The following C8orf34 variants were observed in gnomAD, a reference collection of about 807,000 sequenced individuals.
The protein encoded by C8orf34 is uncharacterized protein C8orf34.
A neutral mutation model predicts 68.3 loss-of-function variants in C8orf34; 65 were observed. That is an observed-to-expected ratio of 0.95 (90% confidence interval 0.78 to 1.17). C8orf34 has a LOEUF of 1.17. C8orf34 is among the 50% of genes most tolerant of loss of function. C8orf34 has a pLI of 0.00. For missense variants in C8orf34, 664 were observed against 655.4 expected (o/e 1.01, Z -0.14); for synonymous variants, 244 against 241.2 (o/e 1.01, Z -0.11).
At chr8:68,765,164 A>G (rs952010808) in intron 10 of C8orf34, among the ~76,000 whole-genome samples, 1 of 152,226 alleles carries the variant, frequency 6.6e-6, no homozygotes, top group Non-Finnish European at 1.5e-5. Flanking sequence ...TGCTTTATAG[A>G]CAGTATTTCA....
intron 3 of C8orf34, among the ~76,000 whole-genome samples, chr8:68,462,292 A>T (rs1042323920): frequency 1.3e-5 from 2 of 152,204 alleles, no homozygotes; most frequent in African/African-American, 4.8e-5. Flanking sequence ...TTCATAAAGC[A>T]AGTCCTGAAT....
intron 2 of C8orf34, among the ~76,000 whole-genome samples, chr8:68,443,089 T>C (rs1810977467): frequency 6.6e-6 from 1 of 152,060 alleles, no homozygotes; most frequent in Non-Finnish European, 1.5e-5. Flanking sequence ...TGGTGGAACA[T>C]GGGACATGGG....
At chr8:68,462,575 A>C (rs1811892646) in intron 3 of C8orf34, among the ~76,000 whole-genome samples, 1 of 151,804 alleles carries the variant, frequency 6.6e-6, no homozygotes, top group African/African-American at 2.4e-5. Context: ...AAAGAACAGA[A>C]ATTATAACAC....
rs145270561 is a variant in C8orf34 at position 68,362,181 on chromosome 8, T to C, written c.327+30842T>C. On this transcript the variant is annotated intron_variant, in intron 1 of 13. Coordinates refer to ENST00000518698, the MANE Select transcript of C8orf34 (RefSeq NM_052958.4). ...AATGGCATTTCCTTGTTTAATTGAT[T>C]GATTGCTTTCTTTCTTATAAAGATT... Among the ~76,000 whole-genome samples the C allele has an allele frequency of 4.6e-3, 699 of 152,354 alleles. 7 individuals carry two copies. The highest frequency in any genetic ancestry group is 0.016 in the African/African-American group (667 of 41,584).
intron 12 of C8orf34, among the ~76,000 whole-genome samples, chr8:68,811,051 T>C (rs752591342): frequency 6.6e-6 from 1 of 152,186 alleles, no homozygotes; most frequent in African/African-American, 2.4e-5. Context: ...GCCATCAACC[T>C]GCCATTCACG....
At chr8:68,519,198 A>G (rs1342761302) in intron 5 of C8orf34, among the ~76,000 whole-genome samples, 1 of 152,228 alleles carries the variant, frequency 6.6e-6, no homozygotes, top group Non-Finnish European at 1.5e-5. Flanking sequence ...CATTTAAAGT[A>G]ATAGTGCTCA....
At chr8:68,512,477 G>A (rs1814317775) in intron 5 of C8orf34, among the ~76,000 whole-genome samples, 1 of 152,036 alleles carries the variant, frequency 6.6e-6, no homozygotes, top group African/African-American at 2.4e-5. Flanking sequence ...TTTGGGGAAG[G>A]CTGTCAAATA....
intron 1 of C8orf34, among the ~76,000 whole-genome samples, chr8:68,389,123 C>T (rs1808377019): frequency 6.6e-6 from 1 of 152,130 alleles, no homozygotes; most frequent in South Asian, 2.1e-4. Context: ...TGCAGAGATT[C>T]ATTAAATCTC....
chr8:68,666,249 G>A (rs1028135440), intron 8 of C8orf34, among the ~76,000 whole-genome samples: 14 of 152,100 alleles, frequency 9.2e-5, no homozygotes, highest in African/African-American at 3.4e-4. Flanking sequence ...AGGTAGGGAT[G>A]GGGAGGAGGC....
chr8:68,354,975 C>T (rs968915199), intron 1 of C8orf34, among the ~76,000 whole-genome samples: 15 of 151,432 alleles, frequency 9.9e-5, no homozygotes, highest in Non-Finnish European at 5.9e-5. Context: ...ATGCTTTCAT[C>T]TTATTTGGAA....
At chr8:68,647,929 G>A (rs745745695) in intron 8 of C8orf34, among the ~76,000 whole-genome samples, 1 of 152,170 alleles carries the variant, frequency 6.6e-6, no homozygotes, top group African/African-American at 2.4e-5. Flanking sequence ...GTGGGAAAAT[G>A]TATGGCTAAT....
chr8:68,797,490 G>A (rs1477287732), intron 12 of C8orf34, among the ~76,000 whole-genome samples: 1 of 151,960 alleles, frequency 6.6e-6, no homozygotes, highest in Non-Finnish European at 1.5e-5. Context: ...TACAATAAGT[G>A]GAGCTACCAT....
At chr8:68,600,053 A>C (rs1817653675) in intron 7 of C8orf34, among the ~76,000 whole-genome samples, 1 of 152,100 alleles carries the variant, frequency 6.6e-6, no homozygotes, top group South Asian at 2.1e-4. Context: ...CAAAAGTGCA[A>C]AGTATAACTA....
chr8:68,783,959 C>T (rs1209259257), intron 11 of C8orf34, among the ~76,000 whole-genome samples: 1 of 152,088 alleles, frequency 6.6e-6, no homozygotes, highest in Non-Finnish European at 1.5e-5. Context: ...GGTTGCTATG[C>T]CTCTTATTCA....
chr8:68,747,971 C>G (rs911923972), intron 10 of C8orf34, among the ~76,000 whole-genome samples: 1 of 151,892 alleles, frequency 6.6e-6, no homozygotes, highest in African/African-American at 2.4e-5. Flanking sequence ...CATCACACTA[C>G]CTGACTTCAA....
At chr8:68,675,660 T>A (rs1820164545) in intron 8 of C8orf34, among the ~76,000 whole-genome samples, 2 of 147,838 alleles carry the variant, frequency 1.4e-5, no homozygotes, top group South Asian at 2.2e-4. Context: ...CATATAGGAA[T>A]GAAAGAAAGA....
intron 3 of C8orf34, among the ~76,000 whole-genome samples, chr8:68,462,144 G>GT (rs1193295543): frequency 6.6e-6 from 1 of 152,008 alleles, no homozygotes; most frequent in Non-Finnish European, 1.5e-5. Context: ...TGCAATCCTG[G>GT]TCTCTGATAA....
chr8:68,708,644 T>A (rs1821243026), intron 8 of C8orf34, among the ~76,000 whole-genome samples: 1 of 152,182 alleles, frequency 6.6e-6, no homozygotes, highest in Non-Finnish European at 1.5e-5. Context: ...TGATGTTAGG[T>A]GAGCACACTG....
intron 1 of C8orf34, among the ~76,000 whole-genome samples, chr8:68,386,565 T>G (rs537511336): frequency 2.6e-5 from 4 of 152,312 alleles, no homozygotes; most frequent in African/African-American, 7.2e-5. Context: ...TGGGTTGTCT[T>G]TTCTTCTATA....
Sources: gnomAD v4.1 joint callset for allele counts (sites outside exome capture counted in the v4.1 genomes callset) on GRCh38, gnomAD v4.1.1 for gene constraint, MANE v1.5 for transcripts, NCBI Gene and HGNC (gene_info 2026-07-23, HGNC 2026-07-21) for gene names.